Variants in BCL9 observed in about 807,000 individuals in gnomAD.
BCL9 encodes B-cell CLL/lymphoma 9 protein.
A neutral mutation model predicts 88.5 loss-of-function variants in BCL9; 25 were observed. The observed-to-expected ratio is 0.28, with a 90% confidence interval of 0.21 to 0.39. The LOEUF (loss-of-function observed/expected upper bound fraction) is 0.39, where lower values mean the gene tolerates loss of function less well. BCL9 is among the 10% of genes least tolerant of loss of function. The pLI, the probability that BCL9 is intolerant of heterozygous loss-of-function variation, is 1.00. For synonymous variants in BCL9, 711 were observed against 673.3 expected, an observed-to-expected ratio of 1.06 and a Z score of -0.87; for missense variants, 1,817 against 1,877.8, an observed-to-expected ratio of 0.97 and a Z score of 0.60.
intron 1 of BCL9, among the ~76,000 whole-genome samples, chr1:147,604,493 G>C (rs1553201696): frequency 6.6e-6 from 1 of 152,170 alleles, no homozygotes; most frequent in Admixed American, 6.6e-5. Context: ...TGATTAAAAT[G>C]AGGCTTTTGT....
At chr1:147,584,290 G>A (rs782130458) in intron 1 of BCL9, among the ~76,000 whole-genome samples, 35 of 152,020 alleles carry the variant, frequency 2.3e-4, no homozygotes, top group Non-Finnish European at 4.0e-4. Flanking sequence ...TAGGTGATCC[G>A]CCCTCCTGGA....
rs1658922137 is a variant in BCL9, at chr1:147,625,889, C to G, written c.*930C>G. On this transcript the variant is annotated 3_prime_UTR_variant, in exon 10 of 10. Transcript: ENST00000234739. ...TTCCATGCCGAGCGTCCTCTTGGCTCTGAGAGGGAAAGGTCTGTCCTTGGG... is the reference window on the plus strand; with the variant it reads ...TTCCATGCCGAGCGTCCTCTTGGCTGTGAGAGGGAAAGGTCTGTCCTTGGG... The G allele has an allele frequency of 4.3e-6, 1 of 233,078 alleles. No individual in the cohort carries two copies. Among genetic ancestry groups the G allele is most frequent in the Non-Finnish European group, 8.5e-6 (1 of 117,734 alleles). The allele number at this position is 233,078 out of a possible 1,614,324, so 14.4% of individuals were successfully genotyped here.
chr1:147,543,694 T>C (rs1654431526), intron 1 of BCL9, among the ~76,000 whole-genome samples: 1 of 152,156 alleles, frequency 6.6e-6, no homozygotes, highest in South Asian at 2.1e-4. Flanking sequence ...AAAGAAGTGT[T>C]ATTCCATCAT....
Position 147,613,106 on chromosome 1 carries a change from G to A in BCL9, c.277G>A (p.Ala93Thr). 6.2e-7 allele frequency: 1 copy of A among 1,614,180 alleles called. No individual in the cohort carries two copies. The highest frequency in any genetic ancestry group is 1.3e-5 in the African/African-American group (1 of 75,052). ...GCTGAAGAATGGGGCTGGAAATGGTGCCAAGGGCAAGGGGAAAAGGGAGCG... is the reference window on the plus strand; with the variant it reads ...GCTGAAGAATGGGGCTGGAAATGGTACCAAGGGCAAGGGGAAAAGGGAGCG... ...MGLKNGAGNG[A>T]KGKGKRERSI... Residue 93 changes from alanine (A) to threonine (T), a missense_variant, in exon 5 of 10, where the codon GCC becomes ACC. Transcript: ENST00000234739.
At chr1:147,616,111 TA>T (rs1201133684) in intron 7 of BCL9, among the ~76,000 whole-genome samples, 3 of 152,166 alleles carry the variant, frequency 2.0e-5, no homozygotes, top group Non-Finnish European at 4.4e-5. Flanking sequence ...GATGAATTAC[TA>T]GGGGGAAGAA....
chr1:147,625,785 C>CT lies in BCL9; in HGVS notation c.*827dup. ...CTTTGTGCCCCCCGCTGGTGACCCT[C>CT]TGCTTCCCTCTCTCTTTCCCTTTGG... On this transcript the variant is annotated 3_prime_UTR_variant, in exon 10 of 10. Transcript: ENST00000234739. The CT allele has an allele frequency of 4.3e-6, 1 of 233,218 alleles. No homozygotes were observed. Among genetic ancestry groups the CT allele is most frequent in the East Asian group, 6.1e-5 (1 of 16,504 alleles). 14.4% of individuals were successfully genotyped at this position (233,218 alleles called of 1,614,324 possible).
intron 5 of BCL9, 145 bp from the exon 6 acceptor site, chr1:147,614,282 A>G: frequency 1.3e-6 from 1 of 758,910 alleles, no homozygotes; most frequent in Non-Finnish European, 2.1e-6. Flanking sequence ...AGAGTATTTG[A>G]AATTTTATAA....
chr1:147,584,561 T>C (rs1326932184), intron 1 of BCL9, among the ~76,000 whole-genome samples: 1 of 152,236 alleles, frequency 6.6e-6, no homozygotes, highest in Non-Finnish European at 1.5e-5. Context: ...TTCCCAGTTA[T>C]GTTCAATGGT....
In BCL9 at chr1:147,545,678, C is replaced by T. The variant is rs587751239; in HGVS notation, c.-478+4004C>T. On this transcript the variant is annotated intron_variant, in intron 1 of 9. Coordinates refer to ENST00000234739, the MANE Select transcript of BCL9 (RefSeq NM_004326.4). ...TCCCAAAACTCACTAGTTACAAATA[C>T]GGCTTTTGCATATAGCTTTACTGAA... Among the ~76,000 whole-genome samples, 21 of 152,286 alleles carry T rather than the reference C, an allele frequency of 1.4e-4. No homozygotes were observed. In the South Asian group the frequency reaches 2.5e-3, roughly 18 times the overall value.
intron 1 of BCL9, among the ~76,000 whole-genome samples, chr1:147,579,724 A>G (rs1405181911): frequency 6.6e-6 from 1 of 152,148 alleles, no homozygotes; most frequent in Non-Finnish European, 1.5e-5. Context: ...TATGGTTGAA[A>G]TCCTGTCCCT....
intron 1 of BCL9, among the ~76,000 whole-genome samples, chr1:147,548,856 T>C (rs1386845489): frequency 1.2e-4 from 19 of 152,212 alleles, no homozygotes; most frequent in African/African-American, 4.3e-4. Flanking sequence ...TGCAACCTTA[T>C]GTTGCATTAA....
At chr1:147,546,299 CTG>C (rs1654589732) in intron 1 of BCL9, among the ~76,000 whole-genome samples, 1 of 151,404 alleles carries the variant, frequency 6.6e-6, no homozygotes, top group African/African-American at 2.4e-5. Flanking sequence ...GATCCCGCCA[CTG>C]TACTCCAGCC....
intron 6 of BCL9, 135 bp downstream of exon 6, chr1:147,614,751 A>G (rs1046560087): frequency 2.1e-5 from 20 of 971,050 alleles, no homozygotes; most frequent in Non-Finnish European, 2.5e-5. Flanking sequence ...CCCCAACCCA[A>G]ACTCCCCCAG....
chr1:147,578,902 G>A (rs1435831657), intron 1 of BCL9, among the ~76,000 whole-genome samples: 1 of 151,000 alleles, frequency 6.6e-6, no homozygotes, highest in Non-Finnish European at 1.5e-5. Context: ...GTCTCACTCT[G>A]TTGCCCAGGC....
chr1:147,609,836 AAAAC>A (rs1553202412), intron 3 of BCL9, among the ~76,000 whole-genome samples: 5 of 152,232 alleles, frequency 3.3e-5, no homozygotes, highest in African/African-American at 1.2e-4. Flanking sequence ...GTATTATAGA[AAAAC>A]AAAAGAACTT....
intron 1 of BCL9, among the ~76,000 whole-genome samples, chr1:147,556,867 G>A (rs782252835): frequency 5.9e-5 from 9 of 152,196 alleles, no homozygotes; most frequent in Non-Finnish European, 1.2e-4. Context: ...TGAATGCCTT[G>A]AAGGTCTAGA....
chr1:147,548,664 TAA>T (rs1654731765), intron 1 of BCL9, among the ~76,000 whole-genome samples: 1 of 152,082 alleles, frequency 6.6e-6, no homozygotes, highest in African/African-American at 2.4e-5. Context: ...AGGCAATCAA[TAA>T]ATGTTGGTGA....
In BCL9 at chr1:147,619,344, G is replaced by A; in HGVS notation, c.1189G>A (p.Gly397Arg). 1 of 1,614,048 alleles carries A rather than the reference G, an allele frequency of 6.2e-7. No individual in the cohort carries two copies. The highest frequency in any genetic ancestry group is 8.5e-7 in the Non-Finnish European group (1 of 1,180,016). The change falls in exon 8 of 10, where the codon GGG (glycine) becomes AGG (arginine). Residue 397 changes from glycine to arginine, a missense_variant. Coordinates refer to ENST00000234739, the MANE Select transcript of BCL9 (RefSeq NM_004326.4). The surrounding 1 kb of genome is among the most constrained non-coding windows in gnomAD (Gnocchi z 4.1). ...GPQQNPGVLD[G>R]PQKKPEGPIQ... ...GCAGCAGAATCCTGGGGTATTAGAT[G>A]GGCCTCAGAAAAAACCAGAAGGGCC...
At chr1:147,592,537 AC>A (rs1656888889) in intron 1 of BCL9, among the ~76,000 whole-genome samples, 1 of 152,134 alleles carries the variant, frequency 6.6e-6, no homozygotes, top group Non-Finnish European at 1.5e-5. Context: ...TATGTTATCC[AC>A]CCCCAAGGGC....
Sources: allele counts gnomAD v4.1 joint callset (sites outside exome capture counted in the v4.1 genomes callset), GRCh38; gene constraint gnomAD v4.1.1; non-coding constraint Gnocchi (gnomAD v3.1); transcripts MANE v1.5; gene names NCBI Gene and HGNC (gene_info 2026-07-23, HGNC 2026-07-21).